Variants in APC observed in about 807,000 individuals in gnomAD.
The protein encoded by APC is adenomatous polyposis coli protein.
Under a neutral mutation model 247.0 loss-of-function variants are expected in APC, and 72 were observed. The observed-to-expected ratio is 0.29, with a 90% confidence interval of 0.24 to 0.35. The LOEUF (loss-of-function observed/expected upper bound fraction) is 0.35. Among genes scored for constraint, APC ranks in the 10% least tolerant of loss-of-function variants. APC has a pLI of 1.00. For missense variants in APC, 3,400 were observed against 3,360.7 expected, an observed-to-expected ratio of 1.01 and a Z score of -0.29; for synonymous variants, 1,254 against 1,162.5, an observed-to-expected ratio of 1.08 and a Z score of -1.60.
At chr5:112,725,417 A>C (rs1751721263) in intron 1 of APC, among the ~76,000 whole-genome samples, 1 of 152,162 alleles carries the variant, frequency 6.6e-6, no homozygotes, top group Admixed American at 6.5e-5. Context: ...CAAGCAGCAT[A>C]TTCTTAATAT....
chr5:112,761,238 C>G (rs980453276), intron 2 of APC, among the ~76,000 whole-genome samples: 1 of 152,084 alleles, frequency 6.6e-6, no homozygotes, highest in Admixed American at 6.5e-5. Context: ...ACACAGTTGG[C>G]ATACAGTCAA....
At chr5:112,714,148 G>A (rs1187814959) in intron 1 of APC, among the ~76,000 whole-genome samples, 1 of 152,206 alleles carries the variant, frequency 6.6e-6, no homozygotes, top group Non-Finnish European at 1.5e-5. Context: ...TTGAAATAGA[G>A]TTGTGGTTCC....
intron 1 of APC, among the ~76,000 whole-genome samples, chr5:112,742,346 T>C (rs924732220): frequency 1.3e-5 from 2 of 152,198 alleles, no homozygotes; most frequent in African/African-American, 4.8e-5. Context: ...CTTATACATA[T>C]CTCCTTGGAC....
rs2149784093 is a variant in APC at position 112,819,336 on chromosome 5, A to G, written c.1304A>G (p.Lys435Arg). 6.2e-7 allele frequency: 1 copy of G among 1,614,082 alleles called. No homozygotes were observed. The highest frequency in any genetic ancestry group is 8.5e-7 in the Non-Finnish European group (1 of 1,179,952). ...EAHEPGMDQD[K>R]NPMPAPVEHQ... Reference sequence around the variant, plus strand: ...CATGAACCAGGCATGGACCAGGACAAAAATCCAAGTATGTTCTCTATAGTG... The same window carrying G: ...CATGAACCAGGCATGGACCAGGACAGAAATCCAAGTATGTTCTCTATAGTG... The change falls in exon 10 of 16, where the codon AAA becomes AGA. Residue 435 changes from lysine to arginine, a missense_variant. Around this residue, in one of 9 missense-constraint regions of APC, gnomAD observed 199 missense variants for 212.5 expected, o/e 0.94. Transcript: ENST00000257430.
chr5:112,718,892 A>T (rs761610316), intron 1 of APC, among the ~76,000 whole-genome samples: 2 of 152,326 alleles, frequency 1.3e-5, no homozygotes, highest in East Asian at 3.9e-4. Context: ...TGATGGTGCA[A>T]ATTAGATACC....
At position 112,842,424 on chromosome 5, in the gene APC, C is replaced by T. The variant is rs1554087778; in HGVS notation, c.6830C>T (p.Ser2277Phe). 6.2e-7 allele frequency: 1 copy of T among 1,614,076 alleles called. No homozygotes were observed. ...ACTTCTCCTAGAGGAGCCAAGCCATCTGTGAAATCAGAATTAAGCCCTGTT... is the reference window on the plus strand; with the variant it reads ...ACTTCTCCTAGAGGAGCCAAGCCATTTGTGAAATCAGAATTAAGCCCTGTT... ...ATTSPRGAKP[S>F]VKSELSPVAR... Residue 2277 changes from serine (S) to phenylalanine (F), a missense_variant, in exon 16 of 16, where the codon TCT (serine) becomes TTT (phenylalanine). This residue lies in a region of APC where 1,788 missense variants were observed against 1,649.5 expected (regional missense o/e 1.08). Coordinates refer to ENST00000257430, the MANE Select transcript of APC (RefSeq NM_000038.6).
chr5:112,736,110 C>T (rs1366338417), upstream of APC, among the ~76,000 whole-genome samples: 2 of 152,212 alleles, frequency 1.3e-5, no homozygotes, highest in East Asian at 3.9e-4. Flanking sequence ...CTGAATTTGT[C>T]ACAAAAAATG....
At chr5:112,817,959 T>C (rs1400182937) in intron 9 of APC, among the ~76,000 whole-genome samples, 2 of 152,212 alleles carry the variant, frequency 1.3e-5, no homozygotes, top group Non-Finnish European at 2.9e-5. Flanking sequence ...TGTATGTGTA[T>C]TTACGCATCT....
At chr5:112,721,482 G>A (rs1409622800) in intron 1 of APC, among the ~76,000 whole-genome samples, 2 of 152,138 alleles carry the variant, frequency 1.3e-5, no homozygotes, top group Non-Finnish European at 2.9e-5. Context: ...TAAGAATTTG[G>A]AGATGACGCA....
At chr5:112,805,895 C>T (rs1444853540) in intron 8 of APC, among the ~76,000 whole-genome samples, 1 of 152,184 alleles carries the variant, frequency 6.6e-6, no homozygotes, top group African/African-American at 2.4e-5. Context: ...TTTGAAAAAT[C>T]CTTCATTGGC....
chr5:112,765,041 A>G (rs556737261), intron 2 of APC, among the ~76,000 whole-genome samples: 10 of 152,296 alleles, frequency 6.6e-5, no homozygotes, highest in African/African-American at 1.4e-4. Context: ...AACATAGTCT[A>G]TTATTTTGAA....
chr5:112,751,353 T>C (rs1434404468), intron 1 of APC, among the ~76,000 whole-genome samples: 1 of 152,096 alleles, frequency 6.6e-6, no homozygotes, highest in African/African-American at 2.4e-5. Context: ...ATTTTTTAAA[T>C]GTCTAGCTGC....
At chr5:112,822,068 A>G (rs911015413) in intron 11 of APC, 77 bp downstream of exon 11, 1 of 999,492 alleles carries the variant, frequency 1.0e-6, no homozygotes, top group Non-Finnish European at 1.5e-6. Flanking sequence ...TCAGTATAGT[A>G]AATAAAGATT....
At chr5:112,784,092 C>T (rs1385313758) in intron 6 of APC, among the ~76,000 whole-genome samples, 1 of 151,990 alleles carries the variant, frequency 6.6e-6, no homozygotes, top group Non-Finnish European at 1.5e-5. Flanking sequence ...TTTTGAGACA[C>T]AGTCTTGCTC....
In APC at chr5:112,763,331, A is replaced by G. The variant is rs9647583; in HGVS notation, c.136-2995A>G. On this transcript the variant is annotated intron_variant, in intron 2 of 15. Coordinates refer to ENST00000257430, the MANE Select transcript of APC (RefSeq NM_000038.6). Reference sequence around the variant, plus strand: ...ATTCTTTTCTCTATACATTTATGCAAACTTGCATTTGATGACATCATATTT... The same window carrying G: ...ATTCTTTTCTCTATACATTTATGCAGACTTGCATTTGATGACATCATATTT... 0.4 allele frequency among the ~76,000 whole-genome samples: 60,803 copies of G among 150,774 alleles called. 14,721 individuals are homozygous for G. The highest frequency in any genetic ancestry group is 0.67 in the East Asian group (3,442 of 5,152).
At chr5:112,809,216 G>C (rs1400996455) in intron 8 of APC, among the ~76,000 whole-genome samples, 1 of 150,958 alleles carries the variant, frequency 6.6e-6, no homozygotes, top group Non-Finnish European at 1.5e-5. Flanking sequence ...AAAAAAATTA[G>C]GCGTGGTGGC....
intron 8 of APC, among the ~76,000 whole-genome samples, chr5:112,813,447 A>G (rs2149754261): frequency 6.6e-6 from 1 of 152,322 alleles, no homozygotes; most frequent in East Asian, 1.9e-4. Flanking sequence ...ACAAATTTGA[A>G]CAAGGAATTT....
chr5:112,809,833 C>T (rs1761802549), intron 8 of APC, among the ~76,000 whole-genome samples: 1 of 152,096 alleles, frequency 6.6e-6, no homozygotes, highest in African/African-American at 2.4e-5. Flanking sequence ...CCTGTCTCTA[C>T]TAAAAATACA....
In APC at chr5:112,843,961, C is replaced by T. The variant is rs786201474; in HGVS notation, c.8367C>T (p.Ser2789=). Residue 2789 remains serine (S), a synonymous_variant, in exon 16 of 16, where the codon AGC becomes AGT. Transcript: ENST00000257430. This position sits in a 1 kb window ranked among gnomAD's most constrained non-coding sequence, Gnocchi z 4.8. The part of the protein sequence containing the change: ...ARVTPFNYNP[S]PRKSSADSTS... ...TGACTCCTTTTAATTACAACCCAAG[C>T]CCTAGGAAAAGCAGCGCAGATAGCA... 3.1e-6 allele frequency: 5 copies of T among 1,605,928 alleles called. No individual in the cohort carries two copies. The highest frequency in any genetic ancestry group is 4.3e-6 in the Non-Finnish European group (5 of 1,175,912).
Sources: allele counts gnomAD v4.1 joint callset (sites outside exome capture counted in the v4.1 genomes callset), GRCh38; gene constraint gnomAD v4.1.1; regional missense constraint gnomAD v4.1.1; non-coding constraint Gnocchi (gnomAD v3.1); transcripts MANE v1.5; gene names NCBI Gene and HGNC (gene_info 2026-07-23, HGNC 2026-07-21).